Variants in ATG10 observed in about 807,000 individuals in gnomAD.
ATG10 encodes the protein autophagy related 10, also known as ubiquitin-like-conjugating enzyme ATG10.
In ATG10, 30 loss-of-function variants were observed where a neutral mutation model predicts 32.1. The observed-to-expected ratio is 0.94, with a 90% CI of 0.70 to 1.27. The LOEUF is 1.27. Among genes scored for constraint, ATG10 ranks in the 50% most tolerant of loss-of-function variants. The pLI is 0.00. For missense variants in ATG10, 233 were observed against 262.3 expected, an observed-to-expected ratio of 0.89 and a Z score of 0.77; for synonymous variants, 87 against 91.5, an observed-to-expected ratio of 0.95 and a Z score of 0.28.
At chr5:82,082,660 A>G (rs1394803407) in intron 3 of ATG10, among the ~76,000 whole-genome samples, 1 of 152,018 alleles carries the variant, frequency 6.6e-6, no homozygotes, top group African/African-American at 2.4e-5. Context: ...AACTGTTAGT[A>G]ATGTTTCTTT....
At chr5:82,068,269 A>G (rs1480361232) in intron 3 of ATG10, among the ~76,000 whole-genome samples, 2 of 152,106 alleles carry the variant, frequency 1.3e-5, no homozygotes, top group Non-Finnish European at 2.9e-5. Flanking sequence ...GAAGCTGGAA[A>G]CCATCATTCT....
At chr5:82,246,921 T>C (rs1747060411) in intron 5 of ATG10, among the ~76,000 whole-genome samples, 1 of 152,180 alleles carries the variant, frequency 6.6e-6, no homozygotes, top group Non-Finnish European at 1.5e-5. Context: ...AATGTAGTAA[T>C]TCTTGGTTGA....
intron 2 of ATG10, among the ~76,000 whole-genome samples, chr5:82,036,027 C>A (rs545370268): frequency 3.9e-5 from 6 of 152,034 alleles, no homozygotes; most frequent in Non-Finnish European, 7.4e-5. Context: ...TTTTCCCCTA[C>A]ACCTTTATAA....
chr5:81,993,362 T>TC lies in ATG10; in HGVS notation c.108+5685dup, dbSNP rs764127181. Among the ~76,000 whole-genome samples, 19 of 35,798 alleles carry TC rather than the reference T, an allele frequency of 5.3e-4. 1 individual carries two copies. Among genetic ancestry groups the TC allele is most frequent in the East Asian group, 8.7e-4 (1 of 1,154 alleles). The allele number at this position is 35,798 out of a possible 152,430, so 23.5% of individuals were successfully genotyped here. A position where few individuals can be genotyped will look rare whatever the true frequency, so the allele number is the denominator to read the frequency against. On this transcript the variant is annotated intron_variant, in intron 2 of 7. Transcript: ENST00000282185. ...TTCTTTCTTTCTTTCTTTCTTTCCT[T>TC]CTTTTCTTTTCTTTTCTTTTCTTTT... is the stretch of plus-strand genomic sequence containing the variant.
At chr5:82,231,875 ATTATAT>A (rs1409717650) in intron 5 of ATG10, among the ~76,000 whole-genome samples, 1 of 152,216 alleles carries the variant, frequency 6.6e-6, no homozygotes, top group Admixed American at 6.5e-5. Flanking sequence ...ATTTATACTG[ATTATAT>A]TTATCTAAAG....
chr5:82,068,008 A>G (rs1763995930), intron 3 of ATG10, among the ~76,000 whole-genome samples: 1 of 152,184 alleles, frequency 6.6e-6, no homozygotes, highest in African/African-American at 2.4e-5. Context: ...TTTATGTCCA[A>G]TTGTAAAGGT....
At position 82,041,672 on chromosome 5, in the gene ATG10, T is replaced by C. The variant is rs543653785; in HGVS notation, c.109-16823T>C. 1.1e-3 allele frequency among the ~76,000 whole-genome samples: 175 copies of C among 152,308 alleles called. 2 individuals carry two copies. The highest frequency in any genetic ancestry group is 2.3e-3 in the Admixed American group (35 of 15,306). On this transcript the variant is annotated intron_variant, in intron 2 of 7. Transcript: ENST00000282185. ...GAAAATACAGCTGAATTGCTTCAGG[T>C]AAATGAGCTCTAGAAATCTTTGATG...
In ATG10 at chr5:82,255,664, CTT is replaced by C. The variant is rs1747436476; in HGVS notation, c.*1604_*1605del. On this transcript the variant is annotated 3_prime_UTR_variant, in exon 8 of 8. Transcript: ENST00000282185. ...GTATTGTTTTGCTCTACTGACAGGC[CTT>C]TTCCAATCCATACAAGCTGAACTTG... 1 of 152,178 alleles carries C rather than the reference CTT, an allele frequency of 6.6e-6. No individual in the cohort carries two copies. Among genetic ancestry groups the C allele is most frequent in the Admixed American group, 6.5e-5 (1 of 15,282 alleles). 9.4% of individuals were successfully genotyped at this position (152,178 alleles called of 1,614,324 possible).
intron 2 of ATG10, among the ~76,000 whole-genome samples, chr5:82,022,022 CAA>C (rs1218669453): frequency 3.1e-4 from 34 of 109,758 alleles, no homozygotes; most frequent in Non-Finnish European, 2.5e-4. Context: ...GACGCTGTCT[CAA>C]AAAAAAAAAA....
intron 3 of ATG10, among the ~76,000 whole-genome samples, chr5:82,084,869 G>T (rs1224267690): frequency 6.6e-6 from 1 of 152,194 alleles, no homozygotes; most frequent in African/African-American, 2.4e-5. Context: ...ACCAGCCACT[G>T]CCAAAACATG....
chr5:82,082,156 G>GC (rs1031908483), intron 3 of ATG10, among the ~76,000 whole-genome samples: 30 of 152,202 alleles, frequency 2.0e-4, no homozygotes, highest in African/African-American at 6.3e-4. Context: ...AGATTTGGGG[G>GC]GGGGGACACA....
At chr5:82,042,246 GGAGA>G (rs138759142) in intron 2 of ATG10, among the ~76,000 whole-genome samples, 105 of 151,626 alleles carry the variant, frequency 6.9e-4, no homozygotes, top group African/African-American at 2.3e-3. Context: ...TAGTGCAGCA[GGAGA>G]GAGAGAGAGA....
chr5:81,973,604 C>T (rs1006657190), intron 1 of ATG10, among the ~76,000 whole-genome samples: 6 of 152,114 alleles, frequency 3.9e-5, no homozygotes, highest in Non-Finnish European at 7.4e-5. Context: ...TGTTATTGGA[C>T]AATGGTCTCT....
chr5:82,046,117 C>T (rs1346377868), intron 2 of ATG10, among the ~76,000 whole-genome samples: 2 of 152,162 alleles, frequency 1.3e-5, no homozygotes, highest in Non-Finnish European at 2.9e-5. Context: ...CAGCTGTTCT[C>T]CTGTGTGAGC....
At chr5:82,021,002 G>T (rs1367052710) in intron 2 of ATG10, among the ~76,000 whole-genome samples, 1 of 152,084 alleles carries the variant, frequency 6.6e-6, no homozygotes, top group East Asian at 1.9e-4. Flanking sequence ...CAATTGATTT[G>T]TATCACTTAG....
intron 2 of ATG10, among the ~76,000 whole-genome samples, chr5:81,997,358 G>C (rs550150095): frequency 3.4e-4 from 52 of 152,300 alleles, no homozygotes; most frequent in Middle Eastern, 3.4e-3. Flanking sequence ...CTCAGAATTA[G>C]AGCACACAGC....
At chr5:82,125,455 G>A (rs889681092) in intron 3 of ATG10, among the ~76,000 whole-genome samples, 2 of 152,186 alleles carry the variant, frequency 1.3e-5, no homozygotes. Flanking sequence ...TTTGCGTAAT[G>A]TGTAAGGAAA....
intron 5 of ATG10, among the ~76,000 whole-genome samples, chr5:82,245,415 T>A (rs891666258): frequency 3.9e-5 from 6 of 152,252 alleles, no homozygotes; most frequent in Non-Finnish European, 8.8e-5. Context: ...TCTACTCTAC[T>A]TTCCGTGAAT....
At chr5:82,220,039 G>A (rs547859066) in intron 5 of ATG10, among the ~76,000 whole-genome samples, 2 of 152,326 alleles carry the variant, frequency 1.3e-5, no homozygotes, top group South Asian at 4.1e-4. Flanking sequence ...GAAGGAACAA[G>A]TGCAGTTTTT....
Sources: gnomAD v4.1 joint callset for allele counts (sites outside exome capture counted in the v4.1 genomes callset) on GRCh38, gnomAD v4.1.1 for gene constraint, MANE v1.5 for transcripts, NCBI Gene and HGNC (gene_info 2026-07-23, HGNC 2026-07-21) for gene names.